The following TRPC6 variants were observed in gnomAD, a reference collection of about 807,000 sequenced individuals.
The protein encoded by TRPC6 is transient receptor potential cation channel subfamily C member 6, also known as short transient receptor potential channel 6.
In TRPC6, 55 loss-of-function variants were observed where a neutral mutation model predicts 90.7. That is an observed-to-expected ratio of 0.61 (90% CI 0.49 to 0.76). The LOEUF (loss-of-function observed/expected upper bound fraction) is 0.76, where lower values mean the gene tolerates loss of function less well. Ranked by LOEUF, TRPC6 falls within the 30% of genes least tolerant of loss-of-function variation. The pLI, the probability that TRPC6 is intolerant of heterozygous loss-of-function variation, is 0.00. For synonymous variants in TRPC6, 393 were observed against 393.0 expected (o/e 1.00, Z 0.00); for missense variants, 989 against 1,122.7 (o/e 0.88, Z 1.70).
intron 1 of TRPC6, among the ~76,000 whole-genome samples, chr11:101,564,789 G>T (rs1861793211): frequency 6.6e-6 from 1 of 151,984 alleles, no homozygotes; most frequent in African/African-American, 2.4e-5. Flanking sequence ...AAACAAAGTT[G>T]GAGGCATCAC....
chr11:101,545,687 A>T (rs12803724), intron 1 of TRPC6, among the ~76,000 whole-genome samples: 1 of 152,158 alleles, frequency 6.6e-6, no homozygotes, highest in Non-Finnish European at 1.5e-5. Context: ...TACATTTCTT[A>T]TAATTTAGCT....
intron 10 of TRPC6, 198 bp from the exon 11 acceptor site, chr11:101,455,299 G>A: frequency 1.9e-6 from 1 of 528,844 alleles, no homozygotes; most frequent in Non-Finnish European, 3.4e-6. Flanking sequence ...GTTAATGGCT[G>A]TTTGTTAGAG....
chr11:101,578,677 G>A (rs931884038), intron 1 of TRPC6, among the ~76,000 whole-genome samples: 1 of 152,052 alleles, frequency 6.6e-6, no homozygotes, highest in Non-Finnish European at 1.5e-5. Flanking sequence ...AGACTGTGAT[G>A]CAATAAGTCA....
chr11:101,534,325 G>A (rs1294499919), intron 1 of TRPC6, among the ~76,000 whole-genome samples: 1 of 152,082 alleles, frequency 6.6e-6, no homozygotes, highest in Non-Finnish European at 1.5e-5. Flanking sequence ...TAGTAGAGGT[G>A]GAGTTTCACC....
In TRPC6 at chr11:101,471,274, A is replaced by G. The variant is rs202002330; in HGVS notation, c.2318T>C (p.Leu773Pro). The change falls in exon 9 of 13, where the codon CTG (leucine) becomes CCG (proline). Residue 773 changes from leucine to proline, a missense_variant. Around this residue, in one of 4 missense-constraint regions of TRPC6, gnomAD observed 191 missense variants for 196.7 expected, o/e 0.97. Coordinates refer to ENST00000344327, the MANE Select transcript of TRPC6 (RefSeq NM_004621.6). ...PFNLVPSPKS[L>P]FYLLLKLKKW... ...TTTAAGCTTCAGTAAGAGATAAAAC[A>G]GGGACTTTGGACTCGGCACCAGATT... 2 of 1,613,910 alleles carry G rather than the reference A, an allele frequency of 1.2e-6. No individual in the cohort carries two copies. The highest frequency in any genetic ancestry group is 1.7e-6 in the Non-Finnish European group (2 of 1,179,910).
At chr11:101,463,564 C>T (rs1320107892) in intron 10 of TRPC6, among the ~76,000 whole-genome samples, 1 of 152,142 alleles carries the variant, frequency 6.6e-6, no homozygotes, top group Non-Finnish European at 1.5e-5. Flanking sequence ...GGAATTTATC[C>T]ATTTCTTCTA....
At chr11:101,558,252 T>TATGTATATGG (rs1861614974) in intron 1 of TRPC6, among the ~76,000 whole-genome samples, 1 of 138,632 alleles carries the variant, frequency 7.2e-6, no homozygotes, top group Admixed American at 7.0e-5. Context: ...CATGTATATA[T>TATGTATATGG]GTATACATGT....
At chr11:101,511,768 G>A (rs1860398921) in intron 1 of TRPC6, among the ~76,000 whole-genome samples, 1 of 152,046 alleles carries the variant, frequency 6.6e-6, no homozygotes, top group Admixed American at 6.5e-5. Context: ...TAGGTGGGTG[G>A]ATCACCTGAG....
intron 1 of TRPC6, among the ~76,000 whole-genome samples, chr11:101,563,387 C>T (rs557381264): frequency 3.7e-4 from 56 of 152,224 alleles, no homozygotes; most frequent in Non-Finnish European, 6.3e-4. Flanking sequence ...TGCATGTGTA[C>T]GTGTCTGTCT....
chr11:101,540,265 A>G (rs1861139089), intron 1 of TRPC6, among the ~76,000 whole-genome samples: 2 of 152,208 alleles, frequency 1.3e-5, no homozygotes. Context: ...GCAGAGCAAG[A>G]GCAGATGAGG....
intron 4 of TRPC6, among the ~76,000 whole-genome samples, chr11:101,485,428 AAT>A (rs1859656381): frequency 6.6e-6 from 1 of 152,158 alleles, no homozygotes; most frequent in African/African-American, 2.4e-5. Flanking sequence ...AATAAACATC[AAT>A]GTTATATTTC....
chr11:101,452,989 G>C lies in TRPC6; in HGVS notation c.2762C>G (p.Ser921Cys), dbSNP rs1858798207. ...ELIRELGEKL[S>C]MEPNQEETNR ...GGTTTCCTCTTGATTTGGTTCCATG[G>C]ATAATTTCTCTCCAAGTTCTCTAAT... The change falls in exon 13 of 13, where the codon TCC (serine) becomes TGC (cysteine). Residue 921 changes from serine to cysteine, a missense_variant. Ser to Cys is a moderately radical substitution (Grantham distance 112, BLOSUM62 -1). Around this residue, in one of 4 missense-constraint regions of TRPC6, gnomAD observed 191 missense variants for 196.7 expected, o/e 0.97. Transcript: ENST00000344327. 1 of 1,613,890 alleles carries C rather than the reference G, an allele frequency of 6.2e-7. No individual in the cohort carries two copies. Among genetic ancestry groups the C allele is most frequent in the Non-Finnish European group, 8.5e-7 (1 of 1,179,866 alleles).
intron 10 of TRPC6, among the ~76,000 whole-genome samples, chr11:101,468,430 C>T (rs908043931): frequency 1.3e-5 from 2 of 152,026 alleles, no homozygotes; most frequent in African/African-American, 4.8e-5. Context: ...GGTAACATAA[C>T]CAGCTTAACA....
rs1419102467 is a variant in TRPC6, at chr11:101,483,120, C to T, written c.1339G>A (p.Ala447Thr). The change falls in exon 5 of 13, where the codon GCA becomes ACA. Residue 447 changes from alanine (A) to threonine (T), a missense_variant. Transcript: ENST00000344327. Reference protein sequence around the residue: ...RGPFMKFVAHAASFTIFLGLL... With the variant: ...RGPFMKFVAHTASFTIFLGLL... ...CCCAGAAAAATGGTGAAGGAGGCTG[C>T]GTGTGCTACAAACTTCATGAATGGT... 8.7e-6 allele frequency: 14 copies of T among 1,613,880 alleles called. No individual in the cohort carries two copies. Among genetic ancestry groups the T allele is most frequent in the African/African-American group, 2.7e-5 (2 of 74,906 alleles).
intron 1 of TRPC6, among the ~76,000 whole-genome samples, chr11:101,571,318 G>A (rs566025302): frequency 3.3e-5 from 5 of 152,286 alleles, no homozygotes; most frequent in African/African-American, 1.2e-4. Flanking sequence ...TGCAAGGGAT[G>A]TGAAAGACCT....
At chr11:101,489,984 T>C (rs1192827346) in intron 3 of TRPC6, among the ~76,000 whole-genome samples, 1 of 152,186 alleles carries the variant, frequency 6.6e-6, no homozygotes, top group African/African-American at 2.4e-5. Context: ...TCACACACTG[T>C]TGGTGTGTAT....
chr11:101,491,840 T>TTTTC (rs1859827340), intron 2 of TRPC6, 102 bp from the exon 3 acceptor site: 1 of 853,600 alleles, frequency 1.2e-6, no homozygotes, highest in Non-Finnish European at 1.6e-6. Context: ...AACATTCTTT[T>TTTTC]TTTTTTTTTT....
intron 1 of TRPC6, among the ~76,000 whole-genome samples, chr11:101,566,439 A>T (rs1249865470): frequency 1.3e-5 from 2 of 152,238 alleles, no homozygotes; most frequent in African/African-American, 2.4e-5. Flanking sequence ...AAAACAAAAA[A>T]GATGTATCCC....
At chr11:101,574,977 G>T (rs1277956586) in intron 1 of TRPC6, among the ~76,000 whole-genome samples, 3 of 152,080 alleles carry the variant, frequency 2.0e-5, no homozygotes, top group Admixed American at 2.0e-4. Flanking sequence ...ACAAACCAAA[G>T]CTGGTGCAAT....
Sources: allele counts gnomAD v4.1 joint callset (sites outside exome capture counted in the v4.1 genomes callset), GRCh38; gene constraint gnomAD v4.1.1; regional missense constraint gnomAD v4.1.1; transcripts MANE v1.5; gene names NCBI Gene and HGNC (gene_info 2026-07-23, HGNC 2026-07-21).